Variants in SHANK2 observed in about 807,000 individuals in gnomAD.
SHANK2 encodes SH3 and multiple ankyrin repeat domains protein 2.
Under a neutral mutation model 133.7 loss-of-function variants are expected in SHANK2, and 43 were observed. That is an observed-to-expected ratio of 0.32 (90% CI 0.25 to 0.41). The LOEUF is 0.41. Ranked by LOEUF, SHANK2 falls within the 10% of genes least tolerant of loss-of-function variation. The pLI is 1.00. For synonymous variants in SHANK2, 1,017 were observed against 952.8 expected (o/e 1.07, Z -1.24); for missense variants, 1,994 against 2,235.8 (o/e 0.89, Z 2.18).
intron 17 of SHANK2, among the ~76,000 whole-genome samples, chr11:70,606,445 G>C (rs1458007589): frequency 6.7e-6 from 1 of 149,084 alleles, no homozygotes; most frequent in Non-Finnish European, 1.5e-5. Context: ...ACCCGGGGGT[G>C]GGGGGGTGTC....
chr11:70,488,101 G>C (rs1053429188), intron 24 of SHANK2, among the ~76,000 whole-genome samples: 4 of 152,222 alleles, frequency 2.6e-5, no homozygotes, highest in Non-Finnish European at 5.9e-5. Context: ...GTGCGCTTAC[G>C]TGTGCTTGTG....
intron 11 of SHANK2, among the ~76,000 whole-genome samples, chr11:70,840,113 A>T (rs1948880563): frequency 6.6e-6 from 1 of 152,190 alleles, no homozygotes; most frequent in Non-Finnish European, 1.5e-5. Flanking sequence ...TCTGGGAAGA[A>T]CAGTGTGAGG....
chr11:70,597,424 C>T (rs2060415814), intron 17 of SHANK2, among the ~76,000 whole-genome samples: 1 of 152,114 alleles, frequency 6.6e-6, no homozygotes, highest in African/African-American at 2.4e-5. Context: ...ACAGGGAAAG[C>T]CCCCTGAGAG....
intron 17 of SHANK2, among the ~76,000 whole-genome samples, chr11:70,582,164 C>T (rs1161322538): frequency 6.6e-6 from 1 of 152,226 alleles, no homozygotes; most frequent in Non-Finnish European, 1.5e-5. Flanking sequence ...TCAGAGAAGG[C>T]CTTGCAAAGA....
chr11:70,791,778 T>C (rs782576212), intron 14 of SHANK2, among the ~76,000 whole-genome samples: 6 of 152,162 alleles, frequency 3.9e-5, no homozygotes, highest in Admixed American at 6.5e-5. Flanking sequence ...CATCAGTAGT[T>C]ACAAATAATG....
chr11:71,217,138 A>G (rs1027482515), intron 2 of SHANK2, among the ~76,000 whole-genome samples: 4 of 151,934 alleles, frequency 2.6e-5, no homozygotes, highest in South Asian at 2.1e-4. Flanking sequence ...TAGAAGATGA[A>G]GTGAGTCAAG....
At chr11:70,641,275 A>T (rs1312147290) in intron 17 of SHANK2, among the ~76,000 whole-genome samples, 3 of 151,798 alleles carry the variant, frequency 2.0e-5, no homozygotes, top group African/African-American at 7.3e-5. Context: ...TTTTTGTATT[A>T]GTAGAGATGG....
intron 14 of SHANK2, among the ~76,000 whole-genome samples, chr11:70,744,685 G>C (rs1555035590): frequency 6.6e-6 from 1 of 152,202 alleles, no homozygotes; most frequent in African/African-American, 2.4e-5. Flanking sequence ...GGGGACCGAA[G>C]TGCCAGCGTT....
At chr11:70,781,831 T>C (rs1947503832) in intron 14 of SHANK2, among the ~76,000 whole-genome samples, 1 of 142,528 alleles carries the variant, frequency 7.0e-6, no homozygotes, top group South Asian at 2.3e-4. Flanking sequence ...ATTGTGGCAC[T>C]ACCCACAATA....
At chr11:70,954,280 A>G (rs1296386504) in intron 10 of SHANK2, among the ~76,000 whole-genome samples, 1 of 152,222 alleles carries the variant, frequency 6.6e-6, no homozygotes, top group Non-Finnish European at 1.5e-5. Flanking sequence ...TGGGTTTCTG[A>G]AAAGTGCAAC....
intron 11 of SHANK2, among the ~76,000 whole-genome samples, chr11:70,829,079 C>G (rs1249547819): frequency 6.6e-6 from 1 of 152,204 alleles, no homozygotes; most frequent in Non-Finnish European, 1.5e-5. Flanking sequence ...CACGGAAGAC[C>G]TTGGGTGGAG....
At chr11:70,860,424 G>T (rs1555067591) in intron 11 of SHANK2, among the ~76,000 whole-genome samples, 4 of 152,176 alleles carry the variant, frequency 2.6e-5, no homozygotes. Context: ...ACGTTTTGAA[G>T]GTGGAAATTG....
chr11:70,750,057 G>A (rs1555037169), intron 14 of SHANK2, among the ~76,000 whole-genome samples: 1 of 152,178 alleles, frequency 6.6e-6, no homozygotes, highest in Admixed American at 6.5e-5. Flanking sequence ...CCTAGTTAAC[G>A]CAGCTAGCAA....
chr11:70,551,100 C>T (rs2059762197), intron 17 of SHANK2, among the ~76,000 whole-genome samples: 1 of 152,092 alleles, frequency 6.6e-6, no homozygotes, highest in Non-Finnish European at 1.5e-5. Context: ...CTGTACTTTG[C>T]TGGGGGCTTC....
intron 7 of SHANK2, among the ~76,000 whole-genome samples, chr11:71,093,872 G>A (rs1437086388): frequency 8.5e-5 from 13 of 152,176 alleles, no homozygotes; most frequent in Admixed American, 6.5e-5. Context: ...AACCTGCAGC[G>A]GCACGTCCCA....
chr11:70,597,871 T>A (rs1168822125), intron 17 of SHANK2, among the ~76,000 whole-genome samples: 1 of 152,026 alleles, frequency 6.6e-6, no homozygotes, highest in Non-Finnish European at 1.5e-5. Context: ...AGACTCCATC[T>A]CAAAACAACC....
At chr11:70,620,063 C>T (rs2060808489) in intron 17 of SHANK2, among the ~76,000 whole-genome samples, 1 of 152,194 alleles carries the variant, frequency 6.6e-6, no homozygotes, top group Non-Finnish European at 1.5e-5. Context: ...CCTCTCTCTT[C>T]TCATAAGGAC....
intron 11 of SHANK2, chr11:70,826,366 C>A: frequency 2.2e-6 from 1 of 447,944 alleles, no homozygotes. Flanking sequence ...TAACAACTGG[C>A]AATTTTAGGA....
At chr11:70,920,403 A>G (rs1187566879) in intron 10 of SHANK2, among the ~76,000 whole-genome samples, 1 of 152,206 alleles carries the variant, frequency 6.6e-6, no homozygotes, top group Non-Finnish European at 1.5e-5. Flanking sequence ...TATTTTAAAA[A>G]ATGATTACCT....
Sources: allele counts gnomAD v4.1 joint callset (sites outside exome capture counted in the v4.1 genomes callset), GRCh38; gene constraint gnomAD v4.1.1; transcripts MANE v1.5; gene names NCBI Gene and HGNC (gene_info 2026-07-23, HGNC 2026-07-21).